Variants in ATP6V1A observed in about 807,000 individuals in gnomAD.
ATP6V1A encodes the protein V-type proton ATPase catalytic subunit A.
ATP6V1A carries 18 observed loss-of-function variants against 70.1 expected under a neutral mutation model. That is an observed-to-expected ratio of 0.26 (90% confidence interval 0.18 to 0.38). The LOEUF (loss-of-function observed/expected upper bound fraction) is 0.38, where lower values mean the gene tolerates loss of function less well. Ranked by LOEUF, ATP6V1A falls within the 10% of genes least tolerant of loss-of-function variation. The probability of loss-of-function intolerance (pLI) is 1.00; values close to 1 mark genes in which losing one functional copy is unlikely to be tolerated. For synonymous variants in ATP6V1A, 232 were observed against 253.8 expected (o/e 0.91, Z 0.82); for missense variants, 424 against 772.4 (o/e 0.55, Z 5.35).
At chr3:113,773,373 C>T (rs1708873242) in intron 1 of ATP6V1A, among the ~76,000 whole-genome samples, 1 of 152,128 alleles carries the variant, frequency 6.6e-6, no homozygotes, top group South Asian at 2.1e-4. Context: ...ACTCTAGGTT[C>T]TCTTATTAGT....
At chr3:113,782,869 G>A (rs1708994944) in intron 3 of ATP6V1A, among the ~76,000 whole-genome samples, 1 of 151,750 alleles carries the variant, frequency 6.6e-6, no homozygotes, top group Non-Finnish European at 1.5e-5. Flanking sequence ...CGATCCACCT[G>A]CCCCGGCCTC....
Position 113,789,849 on chromosome 3 carries a change from A to C in ATP6V1A, c.988+9A>C. 6.4e-7 allele frequency: 1 copy of C among 1,563,660 alleles called. No individual in the cohort carries two copies. The highest frequency in any genetic ancestry group is 1.4e-5 in the African/African-American group (1 of 73,876). On this transcript the variant is annotated intron_variant, in intron 8 of 14. Transcript: ENST00000273398. ...AGCCTCTATTTATACTGGTGAGTAT[A>C]TAATTGGAATAAAAGCAGTTAACAT...
chr3:113,748,467 T>C (rs1418448018), intron 1 of ATP6V1A, among the ~76,000 whole-genome samples: 2 of 152,210 alleles, frequency 1.3e-5, no homozygotes, highest in East Asian at 3.8e-4. Context: ...CAGTTAAATC[T>C]TGTAGTTTTC....
intron 5 of ATP6V1A, 115 bp downstream of exon 5, chr3:113,784,948 A>C (rs1709021464): frequency 5.3e-6 from 6 of 1,134,894 alleles, no homozygotes; most frequent in Admixed American, 2.8e-5. Flanking sequence ...AGTTTTGAGT[A>C]ACTCCTATAA....
intron 11 of ATP6V1A, among the ~76,000 whole-genome samples, chr3:113,797,314 G>A (rs982425270): frequency 5.4e-5 from 8 of 149,322 alleles, no homozygotes; most frequent in African/African-American, 7.4e-5. Flanking sequence ...GTGCAGTGGC[G>A]TGATCTCAGC....
chr3:113,755,947 T>C (rs566123874), intron 1 of ATP6V1A, among the ~76,000 whole-genome samples: 1 of 152,332 alleles, frequency 6.6e-6, no homozygotes, highest in Non-Finnish European at 1.5e-5. Context: ...TTAATGATAG[T>C]TTAGTATTCA....
chr3:113,786,776 CT>C (rs200785807), intron 6 of ATP6V1A, among the ~76,000 whole-genome samples: 2,712 of 142,458 alleles, frequency 0.019, 16 homozygotes, highest in Middle Eastern at 0.047. Context: ...TCTTCTTCTT[CT>C]TTTTTTTTTT....
At chr3:113,794,613 G>A (rs1230524293) in intron 8 of ATP6V1A, among the ~76,000 whole-genome samples, 3 of 151,872 alleles carry the variant, frequency 2.0e-5, no homozygotes, top group African/African-American at 7.3e-5. Flanking sequence ...GGAAGAGCGT[G>A]TGACTTGCCT....
At chr3:113,791,135 A>G (rs960956052) in intron 8 of ATP6V1A, among the ~76,000 whole-genome samples, 1 of 152,116 alleles carries the variant, frequency 6.6e-6, no homozygotes, top group Admixed American at 6.5e-5. Flanking sequence ...AAACTTTTTC[A>G]TTATGGCTGT....
intron 1 of ATP6V1A, among the ~76,000 whole-genome samples, chr3:113,747,743 G>A (rs1240831712): frequency 6.6e-6 from 1 of 152,210 alleles, no homozygotes; most frequent in Non-Finnish European, 1.5e-5. Context: ...CTTCTCTGCA[G>A]AGAGGACAGT....
At position 113,764,395 on chromosome 3, in the gene ATP6V1A, C is replaced by T. The variant is rs142068397; in HGVS notation, c.-13-14346C>T. 7.6e-3 allele frequency among the ~76,000 whole-genome samples: 1,158 copies of T among 152,010 alleles called. 11 individuals are homozygous for T. The highest frequency in any genetic ancestry group is 0.027 in the African/African-American group (1,108 of 41,436). On this transcript the variant is annotated intron_variant, in intron 1 of 14. Coordinates refer to ENST00000273398, the MANE Select transcript of ATP6V1A (RefSeq NM_001690.4). The stretch of plus-strand genomic sequence containing the variant: ...AAGATGACACAAAGACTGTGTAGCG[C>T]ATAGAAAAATTGAAGTAAAATAATT...
At chr3:113,808,287 CTTTTTT>C (rs748064694) in intron 14 of ATP6V1A, among the ~76,000 whole-genome samples, 19 of 89,808 alleles carry the variant, frequency 2.1e-4, no homozygotes, top group African/African-American at 7.6e-4. Context: ...AAGTCTGTCT[CTTTTTT>C]TTTTTTTTTT....
Position 113,771,429 on chromosome 3 carries a change from CTTTTTTTTTT to C in ATP6V1A, c.-13-7295_-13-7286del, listed in dbSNP as rs772278685. Among the ~76,000 whole-genome samples the C allele has an allele frequency of 6.1e-4, 69 of 112,572 alleles. 1 individual carries two copies. Among genetic ancestry groups the C allele is most frequent in the African/African-American group, 1.1e-3 (34 of 29,822 alleles). 73.9% of individuals were successfully genotyped at this position (112,572 alleles called of 152,430 possible). ...GGAAAAAACACTTGCATATTTTTCT[CTTTTTTTTTT>C]TTTTTTTTTTTTTTTTGAGACGGAG... On this transcript the variant is annotated intron_variant, in intron 1 of 14. Transcript: ENST00000273398.
chr3:113,775,055 T>C (rs1218840924), intron 1 of ATP6V1A, among the ~76,000 whole-genome samples: 1 of 152,124 alleles, frequency 6.6e-6, no homozygotes. Context: ...ATACTTTGTG[T>C]GGCTATAGTA....
At chr3:113,783,364 TC>T (rs1229366594) in intron 3 of ATP6V1A, among the ~76,000 whole-genome samples, 1 of 152,216 alleles carries the variant, frequency 6.6e-6, no homozygotes, top group African/African-American at 2.4e-5. Flanking sequence ...CTGATTTTAC[TC>T]CTGTCAACAA....
chr3:113,784,515 C>T, intron 4 of ATP6V1A, 77 bp downstream of exon 4: 1 of 1,430,760 alleles, frequency 7.0e-7, no homozygotes, highest in Non-Finnish European at 9.5e-7. Flanking sequence ...ACATTGTACT[C>T]TTAGTCCAAA....
intron 1 of ATP6V1A, among the ~76,000 whole-genome samples, chr3:113,778,397 A>AAAAC (rs556259909): frequency 2.7e-4 from 41 of 151,850 alleles, no homozygotes; most frequent in Middle Eastern, 6.8e-3. Flanking sequence ...CTGTCTCAAA[A>AAAAC]AAACAAACAA....
At chr3:113,764,589 T>C (rs1708745972) in intron 1 of ATP6V1A, among the ~76,000 whole-genome samples, 1 of 152,242 alleles carries the variant, frequency 6.6e-6, no homozygotes, top group Non-Finnish European at 1.5e-5. Flanking sequence ...TTTCTATTTA[T>C]ATTGTTGGCT....
chr3:113,787,014 A>G (rs549479553), intron 6 of ATP6V1A, among the ~76,000 whole-genome samples: 1 of 152,284 alleles, frequency 6.6e-6, no homozygotes, highest in East Asian at 1.9e-4. Context: ...TTCTGAGCTC[A>G]AGTGATCCAC....
Sources: gnomAD v4.1 joint callset for allele counts (sites outside exome capture counted in the v4.1 genomes callset) on GRCh38, gnomAD v4.1.1 for gene constraint, MANE v1.5 for transcripts, NCBI Gene and HGNC (gene_info 2026-07-23, HGNC 2026-07-21) for gene names.